Variants in ACACA observed in about 807,000 individuals in gnomAD.
ACACA encodes acetyl-CoA carboxylase alpha, also known as acetyl-CoA carboxylase 1.
A neutral mutation model predicts 296.1 loss-of-function variants in ACACA; 103 were observed. The observed-to-expected ratio is 0.35, with a 90% CI of 0.30 to 0.41. The LOEUF (loss-of-function observed/expected upper bound fraction) is 0.41. Ranked by LOEUF, ACACA falls within the 10% of genes least tolerant of loss-of-function variation. The pLI is 1.00. For synonymous variants in ACACA, 953 were observed against 1,038.6 expected, an observed-to-expected ratio of 0.92 and a Z score of 1.58; for missense variants, 1,554 against 2,989.7, an observed-to-expected ratio of 0.52 and a Z score of 11.20.
chr17:37,185,914 C>T (rs77361315), intron 39 of ACACA, among the ~76,000 whole-genome samples: 1,738 of 152,262 alleles, frequency 0.011, 38 homozygotes, highest in African/African-American at 0.038. Flanking sequence ...AATCAATTCA[C>T]TTATGCAATG....
At chr17:37,175,321 G>A (rs1157894807) in intron 41 of ACACA, among the ~76,000 whole-genome samples, 3 of 152,244 alleles carry the variant, frequency 2.0e-5, no homozygotes, top group Non-Finnish European at 2.9e-5. Context: ...ATCTTAGCCT[G>A]AGCTTTTTAA....
chr17:37,191,517 T>C (rs1424447641), intron 37 of ACACA, among the ~76,000 whole-genome samples: 1 of 152,118 alleles, frequency 6.6e-6, no homozygotes, highest in Non-Finnish European at 1.5e-5. Context: ...TTCCAAGAGG[T>C]AGAAATACTG....
At position 37,252,127 on chromosome 17, in the gene ACACA, G is replaced by C; in HGVS notation, c.1978-19C>G. 1 of 1,607,530 alleles carries C rather than the reference G, an allele frequency of 6.2e-7. No homozygotes were observed. The highest frequency in any genetic ancestry group is 8.5e-7 in the Non-Finnish European group (1 of 1,174,026). On this transcript the variant is annotated intron_variant, in intron 15 of 55. Coordinates refer to ENST00000616317, the MANE Select transcript of ACACA (RefSeq NM_198834.3). ...GCTCAGCCTGAAAGGAGGAAAAAGA[G>C]GGCAGATCAAATGCATGGTCACTTG...
At chr17:37,268,434 C>G (rs2081894423) in intron 10 of ACACA, among the ~76,000 whole-genome samples, 1 of 152,084 alleles carries the variant, frequency 6.6e-6, no homozygotes, top group Non-Finnish European at 1.5e-5. Context: ...CCAGTTCACC[C>G]TTTCTCCCAT....
At chr17:37,342,505 C>CAT (rs1247865486) in intron 1 of ACACA, among the ~76,000 whole-genome samples, 5 of 124,464 alleles carry the variant, frequency 4.0e-5, no homozygotes, top group Middle Eastern at 5.9e-3. Context: ...ATTTTAAATA[C>CAT]ATATATATAT....
In ACACA at chr17:37,162,622, G is replaced by A. The variant is rs60996427; in HGVS notation, c.5080-572C>T. ...CAAGCATGAAGAGAGTGCTATGAAC[G>A]CCTTGGGCACACTACAAGAGTACAA... is the stretch of plus-strand genomic sequence containing the variant. On this transcript the variant is annotated intron_variant, in intron 41 of 55. Coordinates refer to ENST00000616317, the MANE Select transcript of ACACA (RefSeq NM_198834.3). 6.7e-3 allele frequency: 1,862 copies of A among 276,840 alleles called. 40 individuals carry two copies. The highest frequency in any genetic ancestry group is 0.038 in the African/African-American group (1,652 of 43,072). The allele number at this position is 276,840 out of a possible 1,614,324, so 17.1% of individuals were successfully genotyped here. A position where few individuals can be genotyped will look rare whatever the true frequency, so the allele number is the denominator to read the frequency against.
chr17:37,345,421 C>T (rs1454156842), intron 1 of ACACA: 1 of 152,200 alleles, frequency 6.6e-6, no homozygotes, highest in African/African-American at 2.4e-5. Context: ...CTAACATCAA[C>T]GTCCCTAATT....
chr17:37,272,222 T>C (rs2082100856), intron 9 of ACACA, among the ~76,000 whole-genome samples: 1 of 151,930 alleles, frequency 6.6e-6, no homozygotes, highest in South Asian at 2.1e-4. Context: ...CGGTAACCTG[T>C]AATCACAGCC....
intron 5 of ACACA, among the ~76,000 whole-genome samples, chr17:37,278,335 T>C (rs1037056538): frequency 6.6e-6 from 1 of 152,162 alleles, no homozygotes; most frequent in Non-Finnish European, 1.5e-5. Flanking sequence ...ATTACTCTAT[T>C]CCGAGAAAAA....
chr17:37,122,423 G>A (rs1158713480), intron 49 of ACACA, 108 bp downstream of exon 49: 14 of 906,446 alleles, frequency 1.5e-5, no homozygotes, highest in Middle Eastern at 3.2e-4. Context: ...GGCTGCTGAT[G>A]CCCTTCCCTC....
intron 33 of ACACA, among the ~76,000 whole-genome samples, chr17:37,202,034 A>G (rs1342845364): frequency 6.6e-6 from 1 of 152,194 alleles, no homozygotes; most frequent in Non-Finnish European, 1.5e-5. Flanking sequence ...TTAAAAAATT[A>G]TTTGTACTGC....
At chr17:37,216,555 T>C (rs1282928011) in intron 29 of ACACA, among the ~76,000 whole-genome samples, 1 of 152,106 alleles carries the variant, frequency 6.6e-6, no homozygotes, top group Non-Finnish European at 1.5e-5. Context: ...GGAGTTTTTT[T>C]TTCTAAAAAT....
intron 14 of ACACA, among the ~76,000 whole-genome samples, chr17:37,255,657 C>T (rs776697828): frequency 2.0e-5 from 3 of 152,160 alleles, no homozygotes; most frequent in Admixed American, 6.5e-5. Context: ...ATGAGTGAGG[C>T]AGACTGAATA....
intron 29 of ACACA, chr17:37,221,512 T>A: frequency 1.6e-6 from 1 of 621,812 alleles, no homozygotes; most frequent in Admixed American, 2.5e-5. Context: ...ATGAATGGAG[T>A]AATCCTAAAC....
chr17:37,137,413 T>C (rs1362866744), intron 45 of ACACA, among the ~76,000 whole-genome samples: 1 of 152,166 alleles, frequency 6.6e-6, no homozygotes, highest in Non-Finnish European at 1.5e-5. Flanking sequence ...CAATTTTATT[T>C]TTTCCTTTAG....
intron 36 of ACACA, 32 bp from the exon 37 acceptor site, chr17:37,192,337 A>C: frequency 4.4e-5 from 70 of 1,591,918 alleles, no homozygotes; most frequent in Non-Finnish European, 5.5e-5. Flanking sequence ...AAAACAGCTC[A>C]CAAGAGGCAG....
intron 47 of ACACA, among the ~76,000 whole-genome samples, chr17:37,127,768 T>C (rs1444210825): frequency 1.4e-5 from 2 of 143,896 alleles, no homozygotes; most frequent in Non-Finnish European, 3.0e-5. Flanking sequence ...CACTTGAACC[T>C]GGGAGGCGGA....
Position 37,220,828 on chromosome 17 carries a change from T to C in ACACA, c.3683+896A>G, listed in dbSNP as rs191390717. On this transcript the variant is annotated intron_variant, in intron 29 of 55. Transcript: ENST00000616317. ...TATTGCTTTGGGTGAAGTGGCAATT[T>C]AGAACAAAACCATTTCTGGTGTCTA... 1.2e-3 allele frequency among the ~76,000 whole-genome samples: 177 copies of C among 152,318 alleles called. 1 individual carries two copies. The highest frequency in any genetic ancestry group is 1.7e-3 in the Non-Finnish European group (118 of 68,028).
chr17:37,228,783 A>G (rs947906062), intron 25 of ACACA, among the ~76,000 whole-genome samples: 1 of 152,142 alleles, frequency 6.6e-6, no homozygotes, highest in Admixed American at 6.5e-5. Context: ...TAATGCCACA[A>G]CTCGACTCCT....
Sources: allele counts gnomAD v4.1 joint callset (sites outside exome capture counted in the v4.1 genomes callset), GRCh38; gene constraint gnomAD v4.1.1; transcripts MANE v1.5; gene names NCBI Gene and HGNC (gene_info 2026-07-23, HGNC 2026-07-21).